EMID1: variants seen among roughly 807,000 people sequenced by gnomAD.
The protein encoded by EMID1 is EMI domain-containing protein 1.
In EMID1, 40 loss-of-function variants were observed where a neutral mutation model predicts 60.6. The observed-to-expected ratio is 0.66, with a 90% CI of 0.51 to 0.86. The LOEUF (loss-of-function observed/expected upper bound fraction) is 0.86. Among genes scored for constraint, EMID1 ranks in the 40% least tolerant of loss-of-function variants. The pLI is 0.00. For synonymous variants in EMID1, 242 were observed against 231.0 expected (o/e 1.05, Z -0.43); for missense variants, 585 against 597.1 (o/e 0.98, Z 0.21).
At chr22:29,214,447 A>G (rs1043105960) in intron 1 of EMID1, among the ~76,000 whole-genome samples, 4 of 152,090 alleles carry the variant, frequency 2.6e-5, no homozygotes, top group African/African-American at 4.8e-5. Flanking sequence ...GGTACAGGAG[A>G]TCCTGAGGGT....
At chr22:29,258,023 A>C (rs900887592) in intron 14 of EMID1, among the ~76,000 whole-genome samples, 2 of 152,214 alleles carry the variant, frequency 1.3e-5, no homozygotes, top group Non-Finnish European at 2.9e-5. Flanking sequence ...TACGACGGAC[A>C]GCCCACTCCA....
intron 14 of EMID1, chr22:29,255,152 C>A: frequency 1.6e-6 from 1 of 608,782 alleles, no homozygotes; most frequent in Non-Finnish European, 2.7e-6. Context: ...CTGAGACTCA[C>A]TCCCAGGCTC....
intron 1 of EMID1, among the ~76,000 whole-genome samples, chr22:29,213,532 C>T (rs979696923): frequency 1.3e-5 from 2 of 152,118 alleles, no homozygotes; most frequent in African/African-American, 4.8e-5. Context: ...GGTCCTGGCC[C>T]AGGAGTTTCT....
Position 29,251,509 on chromosome 22 carries a change from G to A in EMID1, c.1120-2694G>A, listed in dbSNP as rs116304660. Reference sequence around the variant, plus strand: ...GAGCCACCATGCCAGCCCCCCCGGCGTTTTTTGAGACATGGTCTTGCTCTG... The same window carrying A: ...GAGCCACCATGCCAGCCCCCCCGGCATTTTTTGAGACATGGTCTTGCTCTG... On this transcript the variant is annotated intron_variant, in intron 13 of 14. Coordinates refer to ENST00000334018, the MANE Select transcript of EMID1 (RefSeq NM_133455.4). Among the ~76,000 whole-genome samples the A allele has an allele frequency of 2.7e-3, 405 of 150,994 alleles. 2 individuals carry two copies. Among genetic ancestry groups the A allele is most frequent in the African/African-American group, 9.4e-3 (388 of 41,096 alleles).
chr22:29,209,497 C>A (rs1484849501), intron 1 of EMID1, among the ~76,000 whole-genome samples: 1 of 151,878 alleles, frequency 6.6e-6, no homozygotes, highest in Admixed American at 6.5e-5. Context: ...GTCCCTTCAT[C>A]TGTGGAAACC....
At chr22:29,237,157 C>CT (rs1227526096) in intron 12 of EMID1, among the ~76,000 whole-genome samples, 1 of 111,258 alleles carries the variant, frequency 9.0e-6, no homozygotes. Flanking sequence ...CTTTTTCTGC[C>CT]TTTTTTTGGC....
chr22:29,253,497 G>A (rs1328824958), intron 13 of EMID1, among the ~76,000 whole-genome samples: 3 of 152,208 alleles, frequency 2.0e-5, no homozygotes, highest in South Asian at 2.1e-4. Flanking sequence ...CAGGAGAATC[G>A]CTTGAACCTG....
At chr22:29,246,023 A>G (rs13054662) in intron 13 of EMID1, among the ~76,000 whole-genome samples, 4,978 of 152,314 alleles carry the variant, frequency 0.033, 114 homozygotes, top group Non-Finnish European at 0.05. Flanking sequence ...AAAAAGACCT[A>G]TAATCAGCAG....
rs545788301 is a variant in EMID1, at chr22:29,249,907, G to A, written c.1120-4296G>A. Among the ~76,000 whole-genome samples, 28 of 152,000 alleles carry A rather than the reference G, an allele frequency of 1.8e-4. No individual in the cohort carries two copies. The East Asian group carries it at 5.1e-3, about 28-fold the overall frequency. ...TGGGACTACAGGTGTGAGCCACCAC[G>A]CCTGGCCCCCAAAATGCCTTTTAAA... On this transcript the variant is annotated intron_variant, in intron 13 of 14. Coordinates refer to ENST00000334018, the MANE Select transcript of EMID1 (RefSeq NM_133455.4).
rs2058074186 is a variant in EMID1, at chr22:29,259,147, G to A, written c.*203G>A. 6.4e-6 allele frequency: 5 copies of A among 787,048 alleles called. No individual in the cohort carries two copies. The highest frequency in any genetic ancestry group is 9.5e-6 in the Non-Finnish European group (5 of 524,496). 48.8% of individuals were successfully genotyped at this position (787,048 alleles called of 1,614,324 possible). A position where few individuals can be genotyped will look rare whatever the true frequency, so the allele number is the denominator to read the frequency against. On this transcript the variant is annotated 3_prime_UTR_variant, in exon 15 of 15. Transcript: ENST00000334018. ...AGCAAGGGCTGAGAGGAGAGGCTTG[G>A]GCCTCAGTTTCCCTCTGTGAAGTGG...
intron 3 of EMID1, among the ~76,000 whole-genome samples, chr22:29,221,930 C>G (rs2040314327): frequency 6.6e-6 from 1 of 151,932 alleles, no homozygotes; most frequent in African/African-American, 2.4e-5. Flanking sequence ...TTTGCAATTA[C>G]TTTGAGCATT....
chr22:29,227,994 A>G (rs132393), intron 5 of EMID1, among the ~76,000 whole-genome samples: 32,153 of 151,778 alleles, frequency 0.21, 5,028 homozygotes, highest in African/African-American at 0.44. Flanking sequence ...CATCTCTACT[A>G]AAAATACAAA....
chr22:29,258,906 C>T lies in EMID1; in HGVS notation c.1294C>T (p.Arg432Trp), dbSNP rs1158743977. Residue 432 changes from arginine to tryptophan, a missense_variant, in exon 15 of 15, where the codon CGG becomes TGG. Transcript: ENST00000334018. ...GKRGGHATNY[R>W]IVAPRSRDER... is the part of the protein sequence containing the mutation. ...GAGGGGCGGACATGCAACCAACTAC[C>T]GGATCGTGGCCCCCAGGAGCCGGGA... The T allele has an allele frequency of 3.1e-6, 5 of 1,613,342 alleles. No individual in the cohort carries two copies. The highest frequency in any genetic ancestry group is 1.7e-5 in the Admixed American group (1 of 59,974).
intron 13 of EMID1, among the ~76,000 whole-genome samples, chr22:29,250,681 C>T (rs1034157396): frequency 4.7e-5 from 7 of 149,810 alleles, no homozygotes; most frequent in East Asian, 1.9e-4. Flanking sequence ...ATTCTCCCAC[C>T]TCAGCCTCCA....
chr22:29,257,940 G>C (rs762817), intron 14 of EMID1, among the ~76,000 whole-genome samples: 6 of 152,086 alleles, frequency 3.9e-5, no homozygotes, highest in Admixed American at 1.3e-4. Flanking sequence ...TGTCTGCTCC[G>C]GGAGCCCTCA....
Position 29,215,744 on chromosome 22 carries a change from G to A in EMID1, c.319+114G>A, listed in dbSNP as rs1000469011. 4.1e-5 allele frequency: 33 copies of A among 807,896 alleles called. 1 individual carries two copies. Among genetic ancestry groups the A allele is most frequent in the African/African-American group, 1.9e-4 (11 of 59,372 alleles). 50.0% of individuals were successfully genotyped at this position (807,896 alleles called of 1,614,324 possible). ...GTCATGCACAGTACCATGCCTGCTG[G>A]GGCCAGCTGCACAGAGCCTGGCTCA... On this transcript the variant is annotated intron_variant, in intron 3 of 14. Transcript: ENST00000334018.
At chr22:29,230,389 G>T (rs1292659889) in intron 5 of EMID1, among the ~76,000 whole-genome samples, 3 of 151,984 alleles carry the variant, frequency 2.0e-5, no homozygotes, top group Non-Finnish European at 4.4e-5. Context: ...GCCATACCCT[G>T]TGGTGCTTTA....
At chr22:29,223,150 T>C (rs1387233209) in intron 3 of EMID1, among the ~76,000 whole-genome samples, 2 of 152,202 alleles carry the variant, frequency 1.3e-5, no homozygotes, top group African/African-American at 4.8e-5. Context: ...CTGGGCACTT[T>C]TGTAGGCCAA....
chr22:29,256,294 G>A (rs1034668654), intron 14 of EMID1, among the ~76,000 whole-genome samples: 4 of 151,808 alleles, frequency 2.6e-5, no homozygotes, highest in Non-Finnish European at 4.4e-5. Flanking sequence ...GCAACATGGC[G>A]AAACCCCGTC....
Sources: gnomAD v4.1 joint callset for allele counts (sites outside exome capture counted in the v4.1 genomes callset) on GRCh38, gnomAD v4.1.1 for gene constraint, MANE v1.5 for transcripts, NCBI Gene and HGNC (gene_info 2026-07-23, HGNC 2026-07-21) for gene names.